The following WHRN variants were observed in gnomAD, a reference collection of about 807,000 sequenced individuals.
WHRN encodes the protein whirlin.
Under a neutral mutation model 68.3 loss-of-function variants are expected in WHRN, and 41 were observed. The observed-to-expected ratio is 0.60, with a 90% CI of 0.47 to 0.78. WHRN has a LOEUF of 0.78. WHRN is among the 30% of genes least tolerant of loss of function. The pLI is 0.00. For missense variants in WHRN, 1,243 were observed against 1,244.7 expected (o/e 1.00, Z 0.02); for synonymous variants, 560 against 561.3 (o/e 1.00, Z 0.03).
chr9:114,457,456 AATAG>A (rs1484963079), intron 3 of WHRN, among the ~76,000 whole-genome samples: 23 of 152,166 alleles, frequency 1.5e-4, no homozygotes, highest in African/African-American at 5.3e-4. Context: ...TAACTGAATA[AATAG>A]ATAAATGAGT....
chr9:114,435,846 G>A (rs2132521367), intron 3 of WHRN, among the ~76,000 whole-genome samples: 1 of 152,222 alleles, frequency 6.6e-6, no homozygotes, highest in South Asian at 2.1e-4. Context: ...AACTTAACAA[G>A]AAATGTTAAC....
At chr9:114,466,449 C>G (rs1207806177) in intron 2 of WHRN, 57 bp from the exon 3 acceptor site, 2 of 1,609,668 alleles carry the variant, frequency 1.2e-6, no homozygotes, top group African/African-American at 2.7e-5. Context: ...CTTCCGGGGA[C>G]AGCAGGCTGC....
At chr9:114,464,003 C>T (rs1422011860) in intron 3 of WHRN, among the ~76,000 whole-genome samples, 2 of 152,196 alleles carry the variant, frequency 1.3e-5, no homozygotes, top group Non-Finnish European at 2.9e-5. Flanking sequence ...AGGGTAAATG[C>T]TTGAGGGGAT....
chr9:114,430,903 GGCCCTCCGCA>G lies in WHRN; in HGVS notation c.964-4500_964-4491del, dbSNP rs1837366044. Among the ~76,000 whole-genome samples the G allele has an allele frequency of 2.0e-5, 3 of 152,210 alleles. No individual in the cohort carries two copies. In the South Asian group the frequency reaches 6.2e-4, roughly 32 times the overall value. Reference sequence around the variant, plus strand: ...AGGACTGGCTTCAGGGTCTCCACAGGGCCCTCCGCAGCATGTGAGTTGGTTTTGAGTGGCT... The same window carrying G: ...AGGACTGGCTTCAGGGTCTCCACAGGGCATGTGAGTTGGTTTTGAGTGGCT... On this transcript the variant is annotated intron_variant, in intron 3 of 11. Coordinates refer to ENST00000362057, the MANE Select transcript of WHRN (RefSeq NM_015404.4).
chr9:114,462,027 T>G (rs1840287213), intron 3 of WHRN, among the ~76,000 whole-genome samples: 1 of 152,204 alleles, frequency 6.6e-6, no homozygotes, highest in African/African-American at 2.4e-5. Flanking sequence ...AAACACGTGC[T>G]TACATGGAAT....
At chr9:114,473,655 T>C (rs911831256) in intron 2 of WHRN, among the ~76,000 whole-genome samples, 1 of 152,222 alleles carries the variant, frequency 6.6e-6, no homozygotes, top group Non-Finnish European at 1.5e-5. Flanking sequence ...TGTGCTTCTA[T>C]CACTCTGGAT....
At chr9:114,407,852 G>C in intron 8 of WHRN, 95 bp downstream of exon 8, 1 of 1,068,940 alleles carries the variant, frequency 9.4e-7, no homozygotes, top group South Asian at 1.3e-5. Flanking sequence ...TTGCCACCCT[G>C]TGCCCTTTCT....
At chr9:114,430,278 T>C (rs1801762063) in intron 3 of WHRN, among the ~76,000 whole-genome samples, 1 of 152,232 alleles carries the variant, frequency 6.6e-6, no homozygotes, top group South Asian at 2.1e-4. Context: ...GGATAAAATA[T>C]AGGATGCCCA....
intron 1 of WHRN, among the ~76,000 whole-genome samples, chr9:114,502,744 T>C (rs930618355): frequency 6.6e-6 from 1 of 152,228 alleles, no homozygotes; most frequent in African/African-American, 2.4e-5. Context: ...AAATTGCCAC[T>C]AAAACTGAAT....
chr9:114,472,378 T>G (rs1176893362), intron 2 of WHRN, among the ~76,000 whole-genome samples: 2 of 152,206 alleles, frequency 1.3e-5, no homozygotes, highest in East Asian at 3.9e-4. Context: ...GAGGCCCTGC[T>G]CACCTGCCTG....
At chr9:114,486,946 TG>T (rs1564217510) in intron 1 of WHRN, among the ~76,000 whole-genome samples, 6 of 1,616 alleles carry the variant, frequency 3.7e-3, no homozygotes, top group Non-Finnish European at 8.5e-3. Flanking sequence ...GTGTGTTGTG[TG>T]TGTGTGTGTG....
At chr9:114,443,204 A>G (rs1008165401) in intron 3 of WHRN, among the ~76,000 whole-genome samples, 1 of 152,224 alleles carries the variant, frequency 6.6e-6, no homozygotes, top group Non-Finnish European at 1.5e-5. Context: ...TGTTGGCAAT[A>G]TTGTACACAT....
In WHRN at chr9:114,451,399, A is replaced by C. The variant is rs1839318748; in HGVS notation, c.963+14868T>G. Among the ~76,000 whole-genome samples the C allele has an allele frequency of 1.3e-5, 2 of 152,214 alleles. 1 individual carries two copies. Among genetic ancestry groups the C allele is most frequent in the South Asian group, 4.1e-4 (2 of 4,834 alleles). ...TGAAATAGGCATGATGAAACTCAGG[A>C]GATCCTCCTGGGGCTGCCAAGAGGA... On this transcript the variant is annotated intron_variant, in intron 3 of 11. Coordinates refer to ENST00000362057, the MANE Select transcript of WHRN (RefSeq NM_015404.4).
At chr9:114,502,677 C>T (rs1196201637) in intron 1 of WHRN, among the ~76,000 whole-genome samples, 1 of 152,156 alleles carries the variant, frequency 6.6e-6, no homozygotes, top group Non-Finnish European at 1.5e-5. Context: ...AACTGACAGC[C>T]TTTCCAAAGC....
chr9:114,415,443 G>A (rs539393483), intron 7 of WHRN, among the ~76,000 whole-genome samples: 2 of 152,190 alleles, frequency 1.3e-5, no homozygotes, highest in African/African-American at 4.8e-5. Flanking sequence ...TCTTCTGAGT[G>A]GCCATGTGCC....
chr9:114,484,980 G>C (rs1842367752), intron 1 of WHRN, among the ~76,000 whole-genome samples: 5 of 152,180 alleles, frequency 3.3e-5, no homozygotes, highest in Admixed American at 3.3e-4. Flanking sequence ...ACGCACACAT[G>C]CTTCTGTGTT....
At position 114,456,429 on chromosome 9, in the gene WHRN, G is replaced by A. The variant is rs186092804; in HGVS notation, c.963+9838C>T. 9.9e-5 allele frequency among the ~76,000 whole-genome samples: 15 copies of A among 152,238 alleles called. No homozygotes were observed. In the East Asian group the frequency reaches 2.9e-3, roughly 29 times the overall value. ...TAGAAGAAGAAAGGAACCGACTTAA[G>A]TAGCTGGGAAACATTGGTTCAACCG... On this transcript the variant is annotated intron_variant, in intron 3 of 11. Coordinates refer to ENST00000362057, the MANE Select transcript of WHRN (RefSeq NM_015404.4).
At chr9:114,502,083 T>C (rs1488147235) in intron 1 of WHRN, among the ~76,000 whole-genome samples, 4 of 152,194 alleles carry the variant, frequency 2.6e-5, no homozygotes, top group Non-Finnish European at 5.9e-5. Flanking sequence ...CCTCTTTTCC[T>C]CCTGGGGTTA....
chr9:114,420,329 T>A (rs971490100), intron 7 of WHRN, among the ~76,000 whole-genome samples: 2 of 151,822 alleles, frequency 1.3e-5, no homozygotes, highest in African/African-American at 4.8e-5. Flanking sequence ...AACAGGCGAG[T>A]CCCCACTGCT....
Sources: gnomAD v4.1 joint callset for allele counts (sites outside exome capture counted in the v4.1 genomes callset) on GRCh38, gnomAD v4.1.1 for gene constraint, MANE v1.5 for transcripts, NCBI Gene and HGNC (gene_info 2026-07-23, HGNC 2026-07-21) for gene names.